The following ZNF609 variants were observed in gnomAD, a reference collection of about 807,000 sequenced individuals.
ZNF609 encodes the protein zinc finger protein 609.
ZNF609 carries 11 observed loss-of-function variants against 109.5 expected under a neutral mutation model. The observed-to-expected ratio is 0.10, with a 90% CI of 0.06 to 0.17. The LOEUF (loss-of-function observed/expected upper bound fraction) is 0.17, where lower values mean the gene tolerates loss of function less well. Ranked by LOEUF, ZNF609 falls within the 10% of genes least tolerant of loss-of-function variation. The pLI, the probability that ZNF609 is intolerant of heterozygous loss-of-function variation, is 1.00. For synonymous variants in ZNF609, 646 were observed against 662.0 expected (o/e 0.98, Z 0.37); for missense variants, 1,559 against 1,772.4 (o/e 0.88, Z 2.16).
chr15:64,584,384 G>A (rs1304874683), intron 2 of ZNF609, among the ~76,000 whole-genome samples: 5 of 152,008 alleles, frequency 3.3e-5, no homozygotes, highest in African/African-American at 9.7e-5. Flanking sequence ...ACAGACTGGA[G>A]TCCAGTGGCG....
intron 3 of ZNF609, among the ~76,000 whole-genome samples, chr15:64,665,436 A>G (rs1896631517): frequency 6.6e-6 from 1 of 152,092 alleles, no homozygotes; most frequent in South Asian, 2.1e-4. Flanking sequence ...TTTGGCACCC[A>G]CTTATGGCCT....
At chr15:64,632,529 T>A (rs1896100060) in intron 3 of ZNF609, among the ~76,000 whole-genome samples, 2 of 152,088 alleles carry the variant, frequency 1.3e-5, no homozygotes, top group Admixed American at 1.3e-4. Context: ...TCACCCAGGC[T>A]AGGGTGCCGT....
chr15:64,594,916 C>T (rs753767653), intron 2 of ZNF609, among the ~76,000 whole-genome samples: 6 of 147,242 alleles, frequency 4.1e-5, no homozygotes, highest in Non-Finnish European at 9.0e-5. Context: ...GTCCCAGCTA[C>T]TCGGGAGGCT....
At position 64,644,632 on chromosome 15, in the gene ZNF609, G is replaced by A. The variant is rs1015744944; in HGVS notation, c.973+21580G>A. On this transcript the variant is annotated intron_variant, in intron 3 of 9. Coordinates refer to ENST00000326648, the MANE Select transcript of ZNF609 (RefSeq NM_015042.2). ...GAGTCTGAGGGTTCAACTGTAAATTGCAGAAAACTTATAAAATGGTTTGGT... is the reference window on the plus strand; with the variant it reads ...GAGTCTGAGGGTTCAACTGTAAATTACAGAAAACTTATAAAATGGTTTGGT... Among the ~76,000 whole-genome samples, 6 of 152,310 alleles carry A rather than the reference G, an allele frequency of 3.9e-5. No individual in the cohort carries two copies. In the East Asian group the frequency reaches 1.2e-3, roughly 29 times the overall value.
intron 2 of ZNF609, among the ~76,000 whole-genome samples, chr15:64,534,252 C>T (rs1455209688): frequency 6.6e-6 from 1 of 151,778 alleles, no homozygotes; most frequent in Non-Finnish European, 1.5e-5. Context: ...CTCAGGTGAT[C>T]CACCCACCTC....
intron 1 of ZNF609, among the ~76,000 whole-genome samples, chr15:64,488,922 G>T (rs145273055): frequency 3.4e-3 from 27 of 8,034 alleles, no homozygotes; most frequent in Admixed American, 0.021. Context: ...AAAAAAGAAA[G>T]AAAGAAAGAA....
At chr15:64,465,996 A>G (rs1408256618) in intron 1 of ZNF609, among the ~76,000 whole-genome samples, 1 of 151,196 alleles carries the variant, frequency 6.6e-6, no homozygotes, top group Non-Finnish European at 1.5e-5. Flanking sequence ...CACTCCTGTA[A>G]TTCCAGCTAC....
intron 1 of ZNF609, among the ~76,000 whole-genome samples, chr15:64,462,037 C>T (rs1381564166): frequency 1.3e-5 from 2 of 152,170 alleles, no homozygotes; most frequent in African/African-American, 2.4e-5. Context: ...CCCTCTCACC[C>T]GCCTATTGTG....
intron 2 of ZNF609, among the ~76,000 whole-genome samples, chr15:64,504,919 A>T (rs184948530): frequency 6.6e-6 from 1 of 152,092 alleles, no homozygotes; most frequent in African/African-American, 2.4e-5. Context: ...TTGGCCTCGC[A>T]AGTAGCTGGG....
intron 2 of ZNF609, among the ~76,000 whole-genome samples, chr15:64,575,185 A>G (rs1894929017): frequency 6.6e-6 from 1 of 152,170 alleles, no homozygotes; most frequent in Admixed American, 6.6e-5. Flanking sequence ...GAATCTGGAT[A>G]TGGCTGAGGC....
At chr15:64,603,120 T>A (rs633275) in intron 2 of ZNF609, among the ~76,000 whole-genome samples, 1 of 151,554 alleles carries the variant, frequency 6.6e-6, no homozygotes, top group Admixed American at 6.6e-5. Flanking sequence ...AAAGTTGAAC[T>A]TGCTTTCTCG....
chr15:64,570,011 T>C (rs970202431), intron 2 of ZNF609, among the ~76,000 whole-genome samples: 6 of 152,224 alleles, frequency 3.9e-5, no homozygotes, highest in African/African-American at 1.2e-4. Context: ...CTCTATGAGA[T>C]AGGAACTCTT....
intron 2 of ZNF609, among the ~76,000 whole-genome samples, chr15:64,518,074 G>A (rs757278138): frequency 4.6e-5 from 7 of 152,152 alleles, no homozygotes; most frequent in Non-Finnish European, 1.0e-4. Context: ...GAGCCATCGT[G>A]CTGGGTTCCT....
chr15:64,492,248 AAAG>A (rs1330578898), intron 1 of ZNF609, among the ~76,000 whole-genome samples: 7 of 152,298 alleles, frequency 4.6e-5, no homozygotes, highest in South Asian at 4.1e-4. Flanking sequence ...GTCTCAAAGA[AAAG>A]AAGAAGAAAA....
intron 2 of ZNF609, among the ~76,000 whole-genome samples, chr15:64,562,151 T>C (rs1894691507): frequency 6.6e-6 from 1 of 152,256 alleles, no homozygotes; most frequent in African/African-American, 2.4e-5. Context: ...CAGGGTCCAC[T>C]TTTCATTCTC....
chr15:64,518,146 A>G (rs1893840471), intron 2 of ZNF609, among the ~76,000 whole-genome samples: 1 of 152,206 alleles, frequency 6.6e-6, no homozygotes, highest in Admixed American at 6.5e-5. Flanking sequence ...TTTGATGAGT[A>G]ATGATAACAT....
intron 1 of ZNF609, among the ~76,000 whole-genome samples, chr15:64,491,436 T>C (rs1478473693): frequency 6.6e-6 from 1 of 152,232 alleles, no homozygotes. Flanking sequence ...GACAGTTCCC[T>C]GAGACATCAA....
At chr15:64,667,594 C>A (rs1192700748) in intron 3 of ZNF609, among the ~76,000 whole-genome samples, 1 of 152,054 alleles carries the variant, frequency 6.6e-6, no homozygotes, top group Non-Finnish European at 1.5e-5. Context: ...CTGCCGTAAT[C>A]CCAGCTACTC....
intron 3 of ZNF609, among the ~76,000 whole-genome samples, chr15:64,641,746 G>A (rs572712668): frequency 8.5e-5 from 13 of 152,174 alleles, no homozygotes; most frequent in Admixed American, 5.9e-4. Context: ...CTGTGGGTGG[G>A]AGCCAGGTGT....
Sources: allele counts gnomAD v4.1 joint callset (sites outside exome capture counted in the v4.1 genomes callset), GRCh38; gene constraint gnomAD v4.1.1; transcripts MANE v1.5; gene names NCBI Gene and HGNC (gene_info 2026-07-23, HGNC 2026-07-21).